NRXN1: variants seen among roughly 807,000 people sequenced by gnomAD.
NRXN1 encodes neurexin 1.
A neutral mutation model predicts 150.9 loss-of-function variants in NRXN1; 39 were observed. The ratio of observed to expected loss-of-function variants is 0.26; its 90% CI spans 0.20 to 0.34. The LOEUF (loss-of-function observed/expected upper bound fraction) is 0.34. Among genes scored for constraint, NRXN1 ranks in the 10% least tolerant of loss-of-function variants. The pLI, the probability that NRXN1 is intolerant of heterozygous loss-of-function variation, is 1.00. For missense variants in NRXN1, 1,815 were observed against 1,949.9 expected (o/e 0.93, Z 1.30); for synonymous variants, 924 against 757.0 (o/e 1.22, Z -3.62).
At chr2:50,050,397 C>A (rs1050237612) in intron 21 of NRXN1, among the ~76,000 whole-genome samples, 1 of 151,964 alleles carries the variant, frequency 6.6e-6, no homozygotes, top group African/African-American at 2.4e-5. Context: ...TTAAAACATG[C>A]AATCACCCCA....
intron 8 of NRXN1, among the ~76,000 whole-genome samples, chr2:50,616,749 T>C (rs1679127400): frequency 6.6e-6 from 1 of 152,118 alleles, no homozygotes; most frequent in Non-Finnish European, 1.5e-5. Flanking sequence ...CAAAATTTCT[T>C]CCATGACTTC....
intron 18 of NRXN1, among the ~76,000 whole-genome samples, chr2:50,208,249 A>G (rs1208712629): frequency 1.3e-5 from 2 of 152,100 alleles, no homozygotes; most frequent in Non-Finnish European, 2.9e-5. Context: ...CCTCTTATGT[A>G]CTAGCACAAT....
At chr2:50,410,096 C>A (rs2083037740) in intron 17 of NRXN1, among the ~76,000 whole-genome samples, 1 of 152,026 alleles carries the variant, frequency 6.6e-6, no homozygotes, top group Non-Finnish European at 1.5e-5. Context: ...TCTTTCTATC[C>A]CTCCTGCTCC....
At chr2:50,314,986 A>G (rs1469239934) in intron 17 of NRXN1, among the ~76,000 whole-genome samples, 1 of 151,748 alleles carries the variant, frequency 6.6e-6, no homozygotes, top group Non-Finnish European at 1.5e-5. Context: ...TATTCTGATT[A>G]TTTTTTCTTA....
At chr2:50,865,112 T>C (rs564624849) in intron 5 of NRXN1, among the ~76,000 whole-genome samples, 59 of 151,950 alleles carry the variant, frequency 3.9e-4, no homozygotes, top group African/African-American at 1.4e-3. Flanking sequence ...CAGAAAACTC[T>C]CTGTGGTTCA....
At chr2:50,082,453 C>T (rs1410441454) in intron 19 of NRXN1, among the ~76,000 whole-genome samples, 2 of 152,094 alleles carry the variant, frequency 1.3e-5, no homozygotes, top group African/African-American at 4.8e-5. Flanking sequence ...TGAAGGGCTG[C>T]TATTTGTATA....
At chr2:50,856,759 C>T (rs1321047464) in intron 5 of NRXN1, among the ~76,000 whole-genome samples, 1 of 152,040 alleles carries the variant, frequency 6.6e-6, no homozygotes, top group Non-Finnish European at 1.5e-5. Flanking sequence ...CATTTAACTT[C>T]CCTCTGAGGG....
chr2:49,974,819 G>T (rs1678665546), intron 21 of NRXN1, among the ~76,000 whole-genome samples: 1 of 148,596 alleles, frequency 6.7e-6, no homozygotes. Context: ...CAATAAATAT[G>T]CCATTTTATC....
At chr2:50,264,254 AG>A (rs1354402520) in intron 17 of NRXN1, among the ~76,000 whole-genome samples, 5 of 152,120 alleles carry the variant, frequency 3.3e-5, no homozygotes, top group African/African-American at 1.2e-4. Flanking sequence ...AAAGAAACAA[AG>A]AAAATCAGTC....
chr2:50,446,480 C>T (rs1343841402), intron 17 of NRXN1, among the ~76,000 whole-genome samples: 3 of 140,102 alleles, frequency 2.1e-5, no homozygotes, highest in Non-Finnish European at 3.1e-5. Context: ...TCCCTTCCTG[C>T]CTCCCTTCCT....
rs777342054 is a variant in NRXN1, at chr2:50,898,548, G to A, written c.832+23321C>T. 1.1e-4 allele frequency: 49 copies of A among 465,700 alleles called. 1 individual carries two copies. Among genetic ancestry groups the A allele is most frequent in the South Asian group, 6.4e-4 (40 of 62,724 alleles). The allele number at this position is 465,700 out of a possible 1,614,324, so 28.8% of individuals were successfully genotyped here. On this transcript the variant is annotated intron_variant, in intron 5 of 22. Coordinates refer to ENST00000401669, the MANE Select transcript of NRXN1 (RefSeq NM_001330078.2). The stretch of plus-strand genomic sequence containing the variant: ...TCAAATAAAAGACATGCATATATCC[G>A]TAGGGAGGTAGAAAATGAAACGGGA...
intron 2 of NRXN1, among the ~76,000 whole-genome samples, chr2:51,025,590 C>A (rs949158967): frequency 6.6e-6 from 1 of 152,072 alleles, no homozygotes; most frequent in Non-Finnish European, 1.5e-5. Context: ...ATTGCCTTCT[C>A]TGTATTTTAA....
At chr2:50,648,013 CT>C (rs1685074812) in intron 5 of NRXN1, among the ~76,000 whole-genome samples, 1 of 151,798 alleles carries the variant, frequency 6.6e-6, no homozygotes, top group South Asian at 2.1e-4. Context: ...CCTTTGTGTA[CT>C]TTCCCAATTC....
chr2:50,019,291 G>A (rs1367550903), intron 21 of NRXN1: 1 of 471,366 alleles, frequency 2.1e-6, no homozygotes, highest in South Asian at 1.5e-5. Flanking sequence ...AGCTGTTTGA[G>A]GACAGGGATA....
intron 17 of NRXN1, among the ~76,000 whole-genome samples, chr2:50,328,337 G>C (rs1183020512): frequency 6.6e-6 from 1 of 152,074 alleles, no homozygotes; most frequent in Admixed American, 6.5e-5. Context: ...TGTATAGCAT[G>C]AGTAAACACC....
At chr2:50,698,102 G>T (rs1014264749) in intron 5 of NRXN1, among the ~76,000 whole-genome samples, 1 of 152,188 alleles carries the variant, frequency 6.6e-6, no homozygotes, top group Non-Finnish European at 1.5e-5. Context: ...TCTCTCATGA[G>T]AAAGTAAACA....
intron 2 of NRXN1, among the ~76,000 whole-genome samples, chr2:50,983,043 A>G (rs1041835194): frequency 2.6e-5 from 4 of 152,046 alleles, no homozygotes; most frequent in Non-Finnish European, 5.9e-5. Context: ...CTATTAATTC[A>G]CCAAATTACT....
chr2:50,371,525 T>C (rs958958095), intron 17 of NRXN1, among the ~76,000 whole-genome samples: 2 of 152,034 alleles, frequency 1.3e-5, no homozygotes, highest in African/African-American at 4.8e-5. Context: ...ATGGGGATTA[T>C]GTGGTCAGTT....
At chr2:50,922,421 T>C (rs1686178772) in intron 4 of NRXN1, 1 of 601,370 alleles carries the variant, frequency 1.7e-6, no homozygotes, top group Non-Finnish European at 3.0e-6. Flanking sequence ...GTCTCATTTA[T>C]TTGCAAATAT....
Sources: allele counts gnomAD v4.1 joint callset (sites outside exome capture counted in the v4.1 genomes callset), GRCh38; gene constraint gnomAD v4.1.1; transcripts MANE v1.5; gene names NCBI Gene and HGNC (gene_info 2026-07-23, HGNC 2026-07-21).